UNC5C: variants seen among roughly 807,000 people sequenced by gnomAD.
UNC5C encodes the protein netrin receptor UNC5C.
Under a neutral mutation model 99.8 loss-of-function variants are expected in UNC5C, and 47 were observed. The observed-to-expected ratio is 0.47, with a 90% CI of 0.37 to 0.60. The LOEUF (loss-of-function observed/expected upper bound fraction) is 0.60, where lower values mean the gene tolerates loss of function less well. UNC5C is among the 20% of genes least tolerant of loss of function. The pLI, the probability that UNC5C is intolerant of heterozygous loss-of-function variation, is 0.00. For missense variants in UNC5C, 1,062 were observed against 1,165.9 expected (o/e 0.91, Z 1.30); for synonymous variants, 487 against 452.2 (o/e 1.08, Z -0.98).
intron 12 of UNC5C, among the ~76,000 whole-genome samples, chr4:95,186,954 A>C (rs1440283524): frequency 6.6e-6 from 1 of 152,000 alleles, no homozygotes; most frequent in Non-Finnish European, 1.5e-5. Flanking sequence ...CTTGAGTCAC[A>C]CACGCTCCTC....
chr4:95,274,315 C>A (rs1465845266), intron 4 of UNC5C, among the ~76,000 whole-genome samples: 1 of 152,078 alleles, frequency 6.6e-6, no homozygotes, highest in Non-Finnish European at 1.5e-5. Context: ...TTCTGGATAC[C>A]CTGTGACCCG....
intron 14 of UNC5C, among the ~76,000 whole-genome samples, chr4:95,175,891 T>G (rs9760199): frequency 0.019 from 2,936 of 151,756 alleles, 105 homozygotes; most frequent in African/African-American, 0.068. Flanking sequence ...CAATCAGATG[T>G]AGATTTGGTC....
At chr4:95,404,404 A>G (rs1287828288) in intron 1 of UNC5C, among the ~76,000 whole-genome samples, 1 of 152,198 alleles carries the variant, frequency 6.6e-6, no homozygotes, top group Non-Finnish European at 1.5e-5. Context: ...TTATAAGGTC[A>G]GGAAAATCAT....
At chr4:95,364,016 A>G (rs1322370921) in intron 1 of UNC5C, among the ~76,000 whole-genome samples, 1 of 152,212 alleles carries the variant, frequency 6.6e-6, no homozygotes, top group Non-Finnish European at 1.5e-5. Context: ...GTGTTTACCA[A>G]CATATTAAGA....
intron 1 of UNC5C, among the ~76,000 whole-genome samples, chr4:95,436,791 T>G (rs1433748125): frequency 1.3e-5 from 2 of 151,944 alleles, no homozygotes; most frequent in East Asian, 3.8e-4. Context: ...CATTATGCTC[T>G]ATTTTTCTAG....
At chr4:95,223,257 T>C (rs1304449811) in intron 7 of UNC5C, among the ~76,000 whole-genome samples, 1 of 152,210 alleles carries the variant, frequency 6.6e-6, no homozygotes, top group Non-Finnish European at 1.5e-5. Flanking sequence ...ACTATTCTGC[T>C]ACATATGAAT....
At chr4:95,465,067 C>T (rs1311297462) in intron 1 of UNC5C, among the ~76,000 whole-genome samples, 1 of 152,138 alleles carries the variant, frequency 6.6e-6, no homozygotes, top group Non-Finnish European at 1.5e-5. Context: ...GGACTGCTGC[C>T]TAACATCTGC....
intron 7 of UNC5C, among the ~76,000 whole-genome samples, chr4:95,237,145 TTTTA>T (rs1333558700): frequency 2.0e-5 from 3 of 152,232 alleles, no homozygotes; most frequent in African/African-American, 7.2e-5. Context: ...TGTTGTATTT[TTTTA>T]TTGTTTTTAA....
At chr4:95,344,605 G>A (rs1000801590) in intron 1 of UNC5C, among the ~76,000 whole-genome samples, 3 of 151,944 alleles carry the variant, frequency 2.0e-5, no homozygotes, top group African/African-American at 7.2e-5. Context: ...AAGACCAAAA[G>A]GTGAACTGAT....
At chr4:95,378,472 T>C (rs1229419373) in intron 1 of UNC5C, among the ~76,000 whole-genome samples, 1 of 152,172 alleles carries the variant, frequency 6.6e-6, no homozygotes, top group African/African-American at 2.4e-5. Context: ...AGTCGGACTT[T>C]TTGCATTTAC....
At position 95,301,622 on chromosome 4, in the gene UNC5C, C is replaced by T. The variant is rs373395939; in HGVS notation, c.474G>A (p.Ala158=). ...SSAGTTKSRK[A]YVRIAYLRKT... ...ATGACTCACATGCAATGCGCACATA[C>T]GCCTTCCGGCTCTTTGTGGTACCCG... is the stretch of plus-strand genomic sequence containing the variant. The change falls in exon 3 of 16, where the codon GCG becomes GCA. Residue 158 remains alanine, a synonymous_variant. Coordinates refer to ENST00000453304, the MANE Select transcript of UNC5C (RefSeq NM_003728.4). The T allele has an allele frequency of 1.2e-5, 19 of 1,613,892 alleles. No individual in the cohort carries two copies. Among genetic ancestry groups the T allele is most frequent in the East Asian group, 2.2e-5 (1 of 44,872 alleles).
chr4:95,417,394 A>T (rs1396639763), intron 1 of UNC5C, among the ~76,000 whole-genome samples: 3 of 152,200 alleles, frequency 2.0e-5, no homozygotes, highest in Admixed American at 6.5e-5. Flanking sequence ...CATTATTAAT[A>T]AACTTCTAGT....
intron 3 of UNC5C, among the ~76,000 whole-genome samples, chr4:95,296,415 G>T (rs898455221): frequency 1.3e-5 from 2 of 152,044 alleles, no homozygotes; most frequent in Non-Finnish European, 2.9e-5. Flanking sequence ...AAGCCATGAA[G>T]TAAATAGCAA....
Position 95,506,808 on chromosome 4 carries a change from A to G in UNC5C, c.124+41926T>C, listed in dbSNP as rs796827057. Among the ~76,000 whole-genome samples the G allele has an allele frequency of 2.6e-5, 4 of 152,090 alleles. No homozygotes were observed. In the East Asian group the frequency reaches 5.8e-4, roughly 22 times the overall value. ...ATATTATATGCCAATGATAATATCC[A>G]GGATACATCTGATTTTCTTTCACTA... On this transcript the variant is annotated intron_variant, in intron 1 of 15. Transcript: ENST00000453304.
intron 6 of UNC5C, among the ~76,000 whole-genome samples, chr4:95,243,898 T>A (rs1424741175): frequency 6.6e-6 from 1 of 152,102 alleles, no homozygotes; most frequent in Non-Finnish European, 1.5e-5. Context: ...ATTGTGGGAG[T>A]CAGCTCCTAT....
intron 2 of UNC5C, among the ~76,000 whole-genome samples, chr4:95,334,315 A>T (rs1204794811): frequency 6.6e-6 from 1 of 151,948 alleles, no homozygotes; most frequent in Non-Finnish European, 1.5e-5. Context: ...AATATGAATT[A>T]TTTACAATTT....
intron 14 of UNC5C, among the ~76,000 whole-genome samples, chr4:95,179,686 G>T (rs1188532412): frequency 6.8e-6 from 1 of 147,650 alleles, no homozygotes; most frequent in Non-Finnish European, 1.5e-5. Flanking sequence ...GGCGGAGGTT[G>T]CAGTGAGCTG....
chr4:95,238,185 G>C (rs1180202413), intron 7 of UNC5C, among the ~76,000 whole-genome samples: 2 of 151,946 alleles, frequency 1.3e-5, no homozygotes, highest in African/African-American at 2.4e-5. Flanking sequence ...TACAATTTTG[G>C]ATTTCCTTTT....
chr4:95,508,043 G>T (rs1347160095), intron 1 of UNC5C, among the ~76,000 whole-genome samples: 1 of 151,952 alleles, frequency 6.6e-6, no homozygotes, highest in Admixed American at 6.6e-5. Context: ...TATTGGAAAA[G>T]CCTCCTGACC....
Sources: allele counts gnomAD v4.1 joint callset (sites outside exome capture counted in the v4.1 genomes callset), GRCh38; gene constraint gnomAD v4.1.1; transcripts MANE v1.5; gene names NCBI Gene and HGNC (gene_info 2026-07-23, HGNC 2026-07-21).